EFHD1: variants seen among roughly 807,000 people sequenced by gnomAD.
EFHD1 encodes the protein EF-hand domain family member D1.
In EFHD1, 10 loss-of-function variants were observed where a neutral mutation model predicts 17.2. The observed-to-expected ratio is 0.58, with a 90% CI of 0.36 to 0.99. The LOEUF is 0.99. Ranked by LOEUF, EFHD1 falls within the 50% of genes least tolerant of loss-of-function variation. The probability of loss-of-function intolerance (pLI) is 0.01; values close to 1 mark genes in which losing one functional copy is unlikely to be tolerated. For missense variants in EFHD1, 310 were observed against 327.5 expected (o/e 0.95, Z 0.41); for synonymous variants, 153 against 142.0 (o/e 1.08, Z -0.55).
chr2:232,630,523 G>T (rs1694183327), upstream of EFHD1, among the ~76,000 whole-genome samples: 1 of 152,210 alleles, frequency 6.6e-6, no homozygotes, highest in Admixed American at 6.5e-5. Flanking sequence ...CCTTGCAGAT[G>T]ATGTGCCTTT....
At chr2:232,613,666 A>ACC in intron 1 of EFHD1, among the ~76,000 whole-genome samples, 1 of 150,902 alleles carries the variant, frequency 6.6e-6, no homozygotes, top group East Asian at 1.9e-4. Flanking sequence ...ACAAATACAC[A>ACC]CACACAAATA....
intron 1 of EFHD1, among the ~76,000 whole-genome samples, chr2:232,655,406 T>C (rs1694742713): frequency 1.3e-5 from 2 of 152,172 alleles, no homozygotes; most frequent in African/African-American, 4.8e-5. Context: ...AAAACCGCAT[T>C]GCCAAGGTAC....
intron 1 of EFHD1, among the ~76,000 whole-genome samples, chr2:232,656,523 C>CT (rs894292030): frequency 1.3e-5 from 2 of 151,824 alleles, no homozygotes; most frequent in African/African-American, 4.8e-5. Flanking sequence ...CAGCCTCGAC[C>CT]TCCCAGGCTT....
At chr2:232,613,112 C>G (rs1225845335) in intron 1 of EFHD1, among the ~76,000 whole-genome samples, 1 of 151,640 alleles carries the variant, frequency 6.6e-6, no homozygotes, top group Non-Finnish European at 1.5e-5. Flanking sequence ...CCCTGCCCCC[C>G]ACCAAAAAAT....
At chr2:232,657,780 C>T (rs1466836510) in intron 1 of EFHD1, among the ~76,000 whole-genome samples, 3 of 148,982 alleles carry the variant, frequency 2.0e-5, no homozygotes, top group Admixed American at 6.7e-5. Context: ...CCACTGCACT[C>T]CAGCCTGGGC....
rs1174734234 is a variant in EFHD1, at chr2:232,633,755, G to A, written c.51G>A (p.Glu17=). 1.4e-6 allele frequency: 2 copies of A among 1,468,076 alleles called. No homozygotes were observed. Among genetic ancestry groups the A allele is most frequent in the East Asian group, 6.0e-5 (2 of 33,156 alleles). The allele number at this position is 1,468,076 out of a possible 1,614,324, so 90.9% of individuals were successfully genotyped here. The change falls in exon 1 of 4, where the codon GAG becomes GAA. Residue 17 remains glutamate (E), a synonymous_variant. Transcript: ENST00000264059. The stretch of plus-strand genomic sequence containing the variant: ...AGCTGGAGCGCCGGCTGCGGCGCGA[G>A]GAGGCCGAGGAGAGTGGCCCCCAGC... ...ACKLERRLRR[E]EAEESGPQLA...
chr2:232,656,543 C>A (rs945152796), intron 1 of EFHD1, among the ~76,000 whole-genome samples: 2 of 151,714 alleles, frequency 1.3e-5, no homozygotes, highest in Non-Finnish European at 2.9e-5. Flanking sequence ...TGAAATGATC[C>A]CCCTGCCTCA....
rs1281391318 is a variant in EFHD1, at chr2:232,633,693, C to A, written c.-12C>A. ...CGCGTCCCCGCGTTCCCGCGTCCTG[C>A]GATCCGCCGCCATGGCCAGTGAGGA... On this transcript the variant is annotated 5_prime_UTR_variant, in exon 1 of 4. Coordinates refer to ENST00000264059, the MANE Select transcript of EFHD1 (RefSeq NM_025202.4). 1 of 1,423,724 alleles carries A rather than the reference C, an allele frequency of 7.0e-7. No homozygotes were observed. The highest frequency in any genetic ancestry group is 3.0e-5 in the East Asian group (1 of 32,828). The allele number at this position is 1,423,724 out of a possible 1,614,324, so 88.2% of individuals were successfully genotyped here. A position where few individuals can be genotyped will look rare whatever the true frequency, so the allele number is the denominator to read the frequency against.
Position 232,662,735 on chromosome 2 carries a change from G to C in EFHD1, c.303-67G>C, listed in dbSNP as rs1694896301. 5.8e-6 allele frequency: 9 copies of C among 1,541,282 alleles called. No homozygotes were observed. The South Asian group carries it at 1.1e-4, about 20-fold the overall frequency. On this transcript the variant is annotated intron_variant, in intron 1 of 3. Coordinates refer to ENST00000264059, the MANE Select transcript of EFHD1 (RefSeq NM_025202.4). ...CATTTTTCGATGAATGAAGCCAAAG[G>C]AATTACATGTTTCGGAGACTAACGA...
intron 1 of EFHD1, among the ~76,000 whole-genome samples, chr2:232,618,088 C>T (rs1693959886): frequency 1.3e-5 from 2 of 151,990 alleles, no homozygotes; most frequent in South Asian, 2.1e-4. Flanking sequence ...GGCTTGATCT[C>T]GGCTCACTGC....
At chr2:232,633,385 T>G (rs1236600434), upstream of EFHD1, 1 of 1,052,390 alleles carries the variant, frequency 9.5e-7, no homozygotes, top group African/African-American at 1.7e-5. Flanking sequence ...CCCTGCCTGG[T>G]CCCGGGGGGA....
At chr2:232,672,477 A>G (rs1394230253) in intron 3 of EFHD1, 34 bp downstream of exon 3, 1 of 1,549,930 alleles carries the variant, frequency 6.5e-7, no homozygotes, top group Admixed American at 2.0e-5. Flanking sequence ...AGGAGCAACC[A>G]CTCCCAGCCT....
intron 1 of EFHD1, among the ~76,000 whole-genome samples, chr2:232,658,742 G>A (rs1694807164): frequency 6.6e-6 from 1 of 152,146 alleles, no homozygotes; most frequent in Admixed American, 6.5e-5. Context: ...CTGGGGGATA[G>A]GGGTGGCAAG....
intron 1 of EFHD1, among the ~76,000 whole-genome samples, chr2:232,660,202 A>AT (rs56053756): frequency 2.5e-4 from 35 of 142,518 alleles, no homozygotes; most frequent in Middle Eastern, 3.7e-3. Flanking sequence ...TTATTTATTT[A>AT]TTTTTTTTTT....
At chr2:232,624,124 GT>G (rs1242023914) in intron 1 of EFHD1, among the ~76,000 whole-genome samples, 3 of 152,200 alleles carry the variant, frequency 2.0e-5, no homozygotes, top group Non-Finnish European at 4.4e-5. Flanking sequence ...GGACTCATAG[GT>G]TTTTTGCTGC....
At chr2:232,642,373 C>CAA (rs764647177) in intron 1 of EFHD1, among the ~76,000 whole-genome samples, 832 of 68,684 alleles carry the variant, frequency 0.012, 29 homozygotes, top group African/African-American at 0.034. Context: ...GACTCTGTCT[C>CAA]AAAAAAAAAA....
intron 1 of EFHD1, chr2:232,638,381 A>G (rs965377084): frequency 2.1e-6 from 1 of 471,034 alleles, no homozygotes; most frequent in African/African-American, 2.0e-5. Context: ...ACATTTGGCT[A>G]TGGGAAAGTT....
At position 232,621,356 on chromosome 2, in the gene EFHD1, C is replaced by G. The variant is rs74962424; in HGVS notation, c.14+15183C>G. The stretch of plus-strand genomic sequence containing the variant: ...TGAGCCTGTAGCAACAGGGACACAG[C>G]GGCAGAGTGACATTTACTGAACAGC... On this transcript the variant is annotated intron_variant, in intron 1 of 3. Transcript: ENST00000409613. 5.3e-3 allele frequency among the ~76,000 whole-genome samples: 814 copies of G among 152,262 alleles called. 8 individuals carry two copies. Among genetic ancestry groups the G allele is most frequent in the African/African-American group, 0.018 (741 of 41,560 alleles).
chr2:232,677,661 T>G (rs928475862), intron 3 of EFHD1, among the ~76,000 whole-genome samples: 10 of 152,068 alleles, frequency 6.6e-5, no homozygotes, highest in African/African-American at 9.7e-5. Flanking sequence ...AGATTGAGGC[T>G]GCAATGAGCC....
Sources: allele counts gnomAD v4.1 joint callset (sites outside exome capture counted in the v4.1 genomes callset), GRCh38; gene constraint gnomAD v4.1.1; transcripts MANE v1.5; gene names NCBI Gene and HGNC (gene_info 2026-07-23, HGNC 2026-07-21).